MAN1A2: variants seen among roughly 807,000 people sequenced by gnomAD.
MAN1A2 encodes mannosyl-oligosaccharide 1,2-alpha-mannosidase IB.
MAN1A2 carries 26 observed loss-of-function variants against 75.7 expected under a neutral mutation model. The observed-to-expected ratio is 0.34, with a 90% CI of 0.25 to 0.48. MAN1A2 has a LOEUF of 0.48. Among genes scored for constraint, MAN1A2 ranks in the 20% least tolerant of loss-of-function variants. The probability of loss-of-function intolerance (pLI) is 0.99; values close to 1 mark genes in which losing one functional copy is unlikely to be tolerated. For missense variants in MAN1A2, 562 were observed against 775.5 expected (o/e 0.72, Z 3.27); for synonymous variants, 247 against 264.6 (o/e 0.93, Z 0.65).
chr1:117,375,954 C>T (rs1193401235), intron 1 of MAN1A2, among the ~76,000 whole-genome samples: 3 of 151,200 alleles, frequency 2.0e-5, no homozygotes, highest in Non-Finnish European at 4.4e-5. Context: ...CTCTGTCGCC[C>T]AGGCTGGAGT....
intron 12 of MAN1A2, among the ~76,000 whole-genome samples, chr1:117,518,853 G>A (rs1420906592): frequency 6.6e-6 from 1 of 152,020 alleles, no homozygotes; most frequent in Non-Finnish European, 1.5e-5. Context: ...GATATATGCA[G>A]AACATTCCAT....
intron 6 of MAN1A2, among the ~76,000 whole-genome samples, chr1:117,453,884 AT>A (rs1367292035): frequency 1.3e-5 from 2 of 152,156 alleles, no homozygotes; most frequent in African/African-American, 2.4e-5. Context: ...TTGTTGTCTC[AT>A]TTTAAGAAAT....
intron 9 of MAN1A2, 82 bp from the exon 10 acceptor site, chr1:117,496,681 T>G (rs1366126500): frequency 3.9e-6 from 4 of 1,015,574 alleles, no homozygotes; most frequent in Non-Finnish European, 6.0e-6. Flanking sequence ...TTACCCAGGT[T>G]TTATAATGGC....
intron 5 of MAN1A2, among the ~76,000 whole-genome samples, chr1:117,441,323 C>G (rs1649024326): frequency 6.6e-6 from 1 of 152,170 alleles, no homozygotes; most frequent in South Asian, 2.1e-4. Context: ...AGATCTTCAA[C>G]TACTTATTAT....
chr1:117,410,534 C>G (rs1162279792), intron 3 of MAN1A2, among the ~76,000 whole-genome samples: 2 of 150,732 alleles, frequency 1.3e-5, no homozygotes, highest in Admixed American at 6.6e-5. Flanking sequence ...CCTAAGATTG[C>G]AAGCTAGGCA....
Position 117,371,144 on chromosome 1 carries a change from GATTATA to G in MAN1A2, c.302+2663_302+2668del, listed in dbSNP as rs1378633926. ...AATGTTAACTATTATTATCATCAGTGATTATAATTGTAATGGAATATTTTTATTCGG... is the reference window on the plus strand; with the variant it reads ...AATGTTAACTATTATTATCATCAGTGATTGTAATGGAATATTTTTATTCGG... On this transcript the variant is annotated intron_variant, in intron 1 of 12. Transcript: ENST00000356554. 1.2e-4 allele frequency among the ~76,000 whole-genome samples: 18 copies of G among 152,190 alleles called. No individual in the cohort carries two copies. The South Asian group carries it at 2.7e-3, about 23-fold the overall frequency.
chr1:117,406,367 T>C (rs1273181513), intron 3 of MAN1A2, among the ~76,000 whole-genome samples: 1 of 152,186 alleles, frequency 6.6e-6, no homozygotes, highest in Non-Finnish European at 1.5e-5. Flanking sequence ...TAATGATAGA[T>C]GAAGGCAAGA....
rs1438757474 is a variant in MAN1A2 at position 117,368,128 on chromosome 1, C to G, written c.-56C>G. 1.3e-5 allele frequency: 19 copies of G among 1,468,902 alleles called. No individual in the cohort carries two copies. Among genetic ancestry groups the G allele is most frequent in the Non-Finnish European group, 1.6e-5 (17 of 1,091,834 alleles). 91.0% of individuals were successfully genotyped at this position (1,468,902 alleles called of 1,614,324 possible). Reference sequence around the variant, plus strand: ...GATTTTGAAGACAGTTCAATGTATTCTACATTTGACATAAGATGAGAACTT... The same window carrying G: ...GATTTTGAAGACAGTTCAATGTATTGTACATTTGACATAAGATGAGAACTT... On this transcript the variant is annotated 5_prime_UTR_variant, in exon 1 of 13. Transcript: ENST00000356554.
At chr1:117,408,822 A>G (rs1647708413) in intron 3 of MAN1A2, among the ~76,000 whole-genome samples, 1 of 151,748 alleles carries the variant, frequency 6.6e-6, no homozygotes. Context: ...TTTCTCTAAT[A>G]GTAAGGACCA....
At chr1:117,484,601 C>T (rs938154255) in intron 8 of MAN1A2, among the ~76,000 whole-genome samples, 4 of 151,972 alleles carry the variant, frequency 2.6e-5, no homozygotes, top group Non-Finnish European at 5.9e-5. Context: ...ATGCTCTTAA[C>T]ACTTGAGTTC....
At chr1:117,417,704 A>ACTCT (rs1265303964) in intron 4 of MAN1A2, among the ~76,000 whole-genome samples, 64 of 145,854 alleles carry the variant, frequency 4.4e-4, no homozygotes, top group African/African-American at 1.7e-3. Flanking sequence ...ACACACACAC[A>ACTCT]CACTCTCTCT....
intron 11 of MAN1A2, among the ~76,000 whole-genome samples, chr1:117,500,169 G>A (rs1373295986): frequency 1.3e-5 from 2 of 151,938 alleles, no homozygotes; most frequent in East Asian, 3.9e-4. Flanking sequence ...TGGGAGAGAA[G>A]ATTGGAGCCA....
At chr1:117,477,953 A>G (rs887258520) in intron 8 of MAN1A2, among the ~76,000 whole-genome samples, 6 of 152,118 alleles carry the variant, frequency 3.9e-5, no homozygotes, top group Non-Finnish European at 8.8e-5. Context: ...TACAAAATCA[A>G]TGTGCAAAAA....
chr1:117,431,971 G>C (rs1326371680), intron 5 of MAN1A2, among the ~76,000 whole-genome samples: 1 of 152,038 alleles, frequency 6.6e-6, no homozygotes, highest in Non-Finnish European at 1.5e-5. Flanking sequence ...AAACAAGCAC[G>C]ATCTTTGACC....
chr1:117,509,166 T>A (rs1229864058), intron 12 of MAN1A2, among the ~76,000 whole-genome samples: 2 of 151,692 alleles, frequency 1.3e-5, no homozygotes, highest in Non-Finnish European at 2.9e-5. Context: ...AAAAGACAGA[T>A]GGCACACTGG....
chr1:117,484,032 G>T (rs2101863289), intron 8 of MAN1A2, among the ~76,000 whole-genome samples: 1 of 151,858 alleles, frequency 6.6e-6, no homozygotes, highest in East Asian at 2.0e-4. Flanking sequence ...CAACACAGGG[G>T]GGTTAGAGTC....
At chr1:117,388,201 T>G (rs1005984670) in intron 1 of MAN1A2, among the ~76,000 whole-genome samples, 2 of 151,850 alleles carry the variant, frequency 1.3e-5, no homozygotes, top group African/African-American at 4.8e-5. Flanking sequence ...TAAGACAAAT[T>G]AGAGACACTT....
intron 7 of MAN1A2, 58 bp from the exon 8 acceptor site, chr1:117,466,276 A>T: frequency 8.6e-7 from 1 of 1,160,838 alleles, no homozygotes; most frequent in Non-Finnish European, 1.3e-6. Flanking sequence ...CTACATTAAA[A>T]CCAAGCCTTG....
intron 8 of MAN1A2, among the ~76,000 whole-genome samples, chr1:117,482,126 T>C (rs1650517383): frequency 6.6e-6 from 1 of 151,922 alleles, no homozygotes; most frequent in African/African-American, 2.4e-5. Context: ...GTTTGATACA[T>C]AGGTATACAT....
Sources: gnomAD v4.1 joint callset for allele counts (sites outside exome capture counted in the v4.1 genomes callset) on GRCh38, gnomAD v4.1.1 for gene constraint, MANE v1.5 for transcripts, NCBI Gene and HGNC (gene_info 2026-07-23, HGNC 2026-07-21) for gene names.